AP1G1: variants seen among roughly 807,000 people sequenced by gnomAD.
AP1G1 encodes the protein AP-1 complex subunit gamma-1.
AP1G1 carries 7 observed loss-of-function variants against 108.3 expected under a neutral mutation model. The observed-to-expected ratio is 0.06, with a 90% CI of 0.04 to 0.12. AP1G1 has a LOEUF of 0.12. AP1G1 is among the 10% of genes least tolerant of loss of function. The pLI is 1.00. For missense variants in AP1G1, 756 were observed against 1,010.7 expected, an observed-to-expected ratio of 0.75 and a Z score of 3.42; for synonymous variants, 379 against 353.5, an observed-to-expected ratio of 1.07 and a Z score of -0.81.
chr16:71,744,596 C>CA (rs1204697071), intron 19 of AP1G1, among the ~76,000 whole-genome samples: 2 of 103,168 alleles, frequency 1.9e-5, no homozygotes, highest in East Asian at 3.3e-4. Flanking sequence ...TTTTTGGAGA[C>CA]AGAGTCTTGC....
chr16:71,771,268 TAAAAG>T lies in AP1G1; in HGVS notation c.469-21_469-17del, dbSNP rs1380612193. 28 of 1,370,822 alleles carry T rather than the reference TAAAAG, an allele frequency of 2.0e-5. No homozygotes were observed. The African/African-American group carries it at 4.0e-4, about 20-fold the overall frequency. 84.9% of individuals were successfully genotyped at this position (1,370,822 alleles called of 1,614,324 possible). ...ACAGTGCTGCCTATGAAAAAAAAAATAAAAGAACAAAAGGTTTATTTCAATTATGC... is the reference window on the plus strand; with the variant it reads ...ACAGTGCTGCCTATGAAAAAAAAAATAACAAAAGGTTTATTTCAATTATGC... On this transcript the variant is annotated splice_polypyrimidine_tract_variant and intron_variant, in intron 4 of 22. Transcript: ENST00000299980.
intron 1 of AP1G1, among the ~76,000 whole-genome samples, chr16:71,796,472 T>C (rs2032588189): frequency 6.6e-6 from 1 of 152,186 alleles, no homozygotes; most frequent in African/African-American, 2.4e-5. Context: ...CAAGGAATAG[T>C]GTCCTGTGGA....
In AP1G1 at chr16:71,745,591, G is replaced by T. The variant is rs2030130442; in HGVS notation, c.1754C>A (p.Pro585His). 1 of 1,614,018 alleles carries T rather than the reference G, an allele frequency of 6.2e-7. No homozygotes were observed. Among genetic ancestry groups the T allele is most frequent in the African/African-American group, 1.3e-5 (1 of 74,912 alleles). ...HMRSALLERMPVMEKVTTNGP... is the reference protein window; with the variant it reads ...HMRSALLERMHVMEKVTTNGP... ...ATTTGTGGTCACTTTTTCCATGACA[G>T]GCATTCTCTCAAGTAGGGCAGACCT... The change falls in exon 18 of 23, where the codon CCT becomes CAT. Residue 585 changes from proline (P) to histidine (H), a missense_variant. Physicochemically the swap from Pro to His is moderately conservative, Grantham distance 77. This residue lies in a region of AP1G1 where 357 missense variants were observed against 366.5 expected (regional missense o/e 0.97). Coordinates refer to ENST00000299980, the MANE Select transcript of AP1G1 (RefSeq NM_001128.6).
chr16:71,739,112 T>C lies in AP1G1; in HGVS notation c.2108-10A>G, dbSNP rs752048974. 9.9e-6 allele frequency: 16 copies of C among 1,613,908 alleles called. No individual in the cohort carries two copies. In the South Asian group the frequency reaches 1.6e-4, roughly 17 times the overall value. On this transcript the variant is annotated splice_polypyrimidine_tract_variant and intron_variant, in intron 20 of 22. Coordinates refer to ENST00000299980, the MANE Select transcript of AP1G1 (RefSeq NM_001128.6). ...GTGATGGAGGGGATGCCTGAGAAAGTACAGGAAGATAAGTCTTATTGTAGT... is the reference window on the plus strand; with the variant it reads ...GTGATGGAGGGGATGCCTGAGAAAGCACAGGAAGATAAGTCTTATTGTAGT...
chr16:71,745,642 T>C (rs2030133611), intron 17 of AP1G1, 28 bp from the exon 18 acceptor site: 3 of 1,596,818 alleles, frequency 1.9e-6, no homozygotes, highest in Admixed American at 1.7e-5. Flanking sequence ...GGTTAAATTC[T>C]AGGCAGTTAA....
chr16:71,789,838 C>G (rs911573430), intron 1 of AP1G1, among the ~76,000 whole-genome samples: 1 of 152,088 alleles, frequency 6.6e-6, no homozygotes, highest in Non-Finnish European at 1.5e-5. Flanking sequence ...AGGCCTATGC[C>G]TAACCTTAGA....
chr16:71,742,173 A>C (rs2029899255), intron 19 of AP1G1: 1 of 152,172 alleles, frequency 6.6e-6, no homozygotes, highest in South Asian at 2.1e-4. Flanking sequence ...GGAAAACAAG[A>C]CAGTAGGAAC....
In AP1G1 at chr16:71,730,746, T is replaced by C. The variant is rs2045468294; in HGVS notation, c.*2312A>G. On this transcript the variant is annotated 3_prime_UTR_variant, in exon 23 of 23. Transcript: ENST00000299980. ...GTGTTCTGATTCCAAAATCAATTCA[T>C]ATTCTACGCAGCACCCTTTGTGTTA... 1 of 152,624 alleles carries C rather than the reference T, an allele frequency of 6.6e-6. No individual in the cohort carries two copies. The highest frequency in any genetic ancestry group is 6.5e-5 in the Admixed American group (1 of 15,272). The allele number at this position is 152,624 out of a possible 1,614,324, so 9.5% of individuals were successfully genotyped here.
chr16:71,754,614 T>C (rs1044067490), intron 12 of AP1G1, among the ~76,000 whole-genome samples: 12 of 152,050 alleles, frequency 7.9e-5, no homozygotes, highest in Admixed American at 1.3e-4. Context: ...CTGGGTAACA[T>C]AGCAAGACCC....
At chr16:71,806,829 G>T in intron 1 of AP1G1, 3 of 552,518 alleles carry the variant, frequency 5.4e-6, no homozygotes, top group Non-Finnish European at 5.6e-6. Context: ...TAAATAACAA[G>T]ATCACTGAGT....
At chr16:71,771,340 C>G in intron 4 of AP1G1, 88 bp from the exon 5 acceptor site, 1 of 695,524 alleles carries the variant, frequency 1.4e-6, no homozygotes, top group Non-Finnish European at 2.3e-6. Flanking sequence ...ACACAAAAAT[C>G]TCACCAACTA....
At position 71,789,417 on chromosome 16, in the gene AP1G1, A is replaced by G; in HGVS notation, c.63T>C (p.Ala21=). 6.2e-7 allele frequency: 1 copy of G among 1,614,192 alleles called. No homozygotes were observed. Among genetic ancestry groups the G allele is most frequent in the Non-Finnish European group, 8.5e-7 (1 of 1,180,042 alleles). Residue 21 remains alanine, a synonymous_variant, in exon 2 of 23, where the codon GCT becomes GCC. Coordinates refer to ENST00000299980, the MANE Select transcript of AP1G1 (RefSeq NM_001128.6). ...IRTIRTARTQ[A]EEREMIQKEC... ...CTTTCTGGATCATTTCTCGTTCTTC[A>G]GCTTGGGTTCGGGCTGTCCGGATGG...
At chr16:71,805,265 T>C (rs544014794) in intron 1 of AP1G1, among the ~76,000 whole-genome samples, 6 of 152,080 alleles carry the variant, frequency 3.9e-5, no homozygotes, top group Admixed American at 3.3e-4. Flanking sequence ...CTAGCCAACA[T>C]GGTGAAACCC....
intron 2 of AP1G1, among the ~76,000 whole-genome samples, chr16:71,780,820 CTTT>C (rs767977641): frequency 2.9e-5 from 4 of 139,658 alleles, no homozygotes; most frequent in Admixed American, 7.2e-5. Context: ...TAATTTTTTA[CTTT>C]TTTTTTTTTT....
chr16:71,801,790 C>T (rs1416525911), intron 1 of AP1G1, among the ~76,000 whole-genome samples: 3 of 151,824 alleles, frequency 2.0e-5, no homozygotes, highest in Admixed American at 6.6e-5. Flanking sequence ...GGCGTGGTGG[C>T]GGGCGCCTGC....
intron 1 of AP1G1, among the ~76,000 whole-genome samples, chr16:71,804,876 C>T (rs1314692780): frequency 6.6e-6 from 1 of 151,998 alleles, no homozygotes; most frequent in Non-Finnish European, 1.5e-5. Context: ...AATCAGGCGG[C>T]ACATGCCTAC....
At chr16:71,806,031 T>TA (rs10605748) in intron 1 of AP1G1, among the ~76,000 whole-genome samples, 323 of 149,178 alleles carry the variant, frequency 2.2e-3, no homozygotes, top group Middle Eastern at 6.8e-3. Context: ...ATAAAAATAA[T>TA]AAAAAAAAAA....
rs535672311 is a variant in AP1G1 at position 71,774,106 on chromosome 16, A to G, written c.326+362T>C. 3.5e-4 allele frequency among the ~76,000 whole-genome samples: 51 copies of G among 146,190 alleles called. 1 individual carries two copies. The South Asian group carries it at 5.5e-3, about 16-fold the overall frequency. ...AACCAGAACAAAGTAGGCCAGGCACAGTGGCTCAAGCCTGTAACCCTAGTA... is the reference window on the plus strand; with the variant it reads ...AACCAGAACAAAGTAGGCCAGGCACGGTGGCTCAAGCCTGTAACCCTAGTA... On this transcript the variant is annotated intron_variant, in intron 3 of 22. Coordinates refer to ENST00000299980, the MANE Select transcript of AP1G1 (RefSeq NM_001128.6).
chr16:71,771,604 T>C (rs2031574540), intron 4 of AP1G1, among the ~76,000 whole-genome samples: 1 of 152,222 alleles, frequency 6.6e-6, no homozygotes, highest in Non-Finnish European at 1.5e-5. Flanking sequence ...AAAGAGATCT[T>C]CTAGTTCACC....
Sources: allele counts gnomAD v4.1 joint callset (sites outside exome capture counted in the v4.1 genomes callset), GRCh38; gene constraint gnomAD v4.1.1; regional missense constraint gnomAD v4.1.1; transcripts MANE v1.5; gene names NCBI Gene and HGNC (gene_info 2026-07-23, HGNC 2026-07-21).